LIX1: variants seen among roughly 807,000 people sequenced by gnomAD.
LIX1 encodes limb and CNS expressed 1.
In LIX1, 24 loss-of-function variants were observed where a neutral mutation model predicts 33.4. The observed-to-expected ratio is 0.72, with a 90% CI of 0.52 to 1.01. LIX1 has a LOEUF of 1.01. Among genes scored for constraint, LIX1 ranks in the 50% least tolerant of loss-of-function variants. LIX1 has a pLI of 0.00. For missense variants in LIX1, 311 were observed against 339.2 expected, an observed-to-expected ratio of 0.92 and a Z score of 0.65; for synonymous variants, 124 against 124.0, an observed-to-expected ratio of 1.00 and a Z score of 0.00.
chr5:97,103,239 C>T (rs1269595084), intron 4 of LIX1: 1 of 337,334 alleles, frequency 3.0e-6, no homozygotes, highest in Admixed American at 4.3e-5. Context: ...AATAGGGGCT[C>T]TGAACCATTT....
intron 5 of LIX1, among the ~76,000 whole-genome samples, chr5:97,095,384 C>T (rs1304687102): frequency 6.6e-6 from 1 of 152,152 alleles, no homozygotes; most frequent in African/African-American, 2.4e-5. Flanking sequence ...TCATTGAACC[C>T]TGTTGCCCAG....
Position 97,120,413 on chromosome 5 carries a change from A to T in LIX1, c.246+4053T>A, listed in dbSNP as rs190588126. On this transcript the variant is annotated intron_variant, in intron 2 of 5. Coordinates refer to ENST00000274382, the MANE Select transcript of LIX1 (RefSeq NM_153234.5). ...ACCCCATCCCTGGAACTTACATTTC[A>T]GTAAAGGGAAAGAACATGCACATAG... Among the ~76,000 whole-genome samples the T allele has an allele frequency of 2.9e-4, 44 of 152,340 alleles. 1 individual carries two copies. The highest frequency in any genetic ancestry group is 5.8e-4 in the East Asian group (3 of 5,194).
intron 2 of LIX1, among the ~76,000 whole-genome samples, chr5:97,124,184 A>T (rs1052667230): frequency 6.6e-6 from 1 of 152,194 alleles, no homozygotes; most frequent in Non-Finnish European, 1.5e-5. Context: ...TTAGTTGACA[A>T]ACTAAGAAAC....
At chr5:97,109,325 C>T (rs1268536135) in intron 2 of LIX1, among the ~76,000 whole-genome samples, 1 of 152,178 alleles carries the variant, frequency 6.6e-6, no homozygotes, top group Non-Finnish European at 1.5e-5. Context: ...GCAATCTTAG[C>T]TCACTGCAAC....
chr5:97,116,354 A>G lies in LIX1; in HGVS notation c.246+8112T>C, dbSNP rs146512488. ...AGTCACCCAAGTTAATATCGTGTCTATCCATAGGTCAGGGTGGCTGCAAAT... is the reference window on the plus strand; with the variant it reads ...AGTCACCCAAGTTAATATCGTGTCTGTCCATAGGTCAGGGTGGCTGCAAAT... On this transcript the variant is annotated intron_variant, in intron 2 of 5. Transcript: ENST00000274382. Among the ~76,000 whole-genome samples, 517 of 152,198 alleles carry G rather than the reference A, an allele frequency of 3.4e-3. 12 individuals carry two copies. The highest frequency in any genetic ancestry group is 0.03 in the Admixed American group (456 of 15,282).
intron 1 of LIX1, among the ~76,000 whole-genome samples, chr5:97,134,445 C>T (rs1748129944): frequency 6.6e-6 from 1 of 152,112 alleles, no homozygotes. Flanking sequence ...TGATTATCTA[C>T]CTCTGAACAG....
intron 1 of LIX1, among the ~76,000 whole-genome samples, chr5:97,136,430 G>A (rs971461311): frequency 5.9e-5 from 9 of 152,158 alleles, no homozygotes; most frequent in African/African-American, 1.4e-4. Context: ...CCCTTCATGC[G>A]AGGAAGAAAA....
intron 2 of LIX1, among the ~76,000 whole-genome samples, chr5:97,111,908 G>T (rs1329204609): frequency 6.6e-6 from 1 of 152,156 alleles, no homozygotes. Context: ...CCAATACCAA[G>T]ATTTTAAAGC....
rs1189366969 is a variant in LIX1, at chr5:97,092,179, C to A, written c.*2569G>T. ...ATCTAAAGATCCCCTAGGGCAATCT[C>A]TGGACTTTGGGGGGTCCACATACTC... On this transcript the variant is annotated 3_prime_UTR_variant, in exon 6 of 6. Transcript: ENST00000274382. 3.9e-5 allele frequency: 6 copies of A among 152,314 alleles called. No homozygotes were observed. The highest frequency in any genetic ancestry group is 3.9e-4 in the Admixed American group (6 of 15,284). The allele number at this position is 152,314 out of a possible 1,614,324, so 9.4% of individuals were successfully genotyped here.
intron 1 of LIX1, among the ~76,000 whole-genome samples, chr5:97,127,678 T>G (rs1258824663): frequency 2.6e-5 from 4 of 152,204 alleles, no homozygotes; most frequent in Non-Finnish European, 5.9e-5. Flanking sequence ...AAAGAAAATA[T>G]GAGCAGAGGT....
chr5:97,122,053 C>T (rs1433516497), intron 2 of LIX1, among the ~76,000 whole-genome samples: 3 of 152,128 alleles, frequency 2.0e-5, no homozygotes, highest in Non-Finnish European at 4.4e-5. Context: ...TTGGTGTCCA[C>T]GGTTACATCA....
chr5:97,141,829 T>A (rs988598690), intron 1 of LIX1, among the ~76,000 whole-genome samples: 1 of 152,196 alleles, frequency 6.6e-6, no homozygotes, highest in Admixed American at 6.5e-5. Context: ...TTAATAGTAT[T>A]GCTAGAATTG....
intron 2 of LIX1, among the ~76,000 whole-genome samples, chr5:97,121,453 G>A (rs894260419): frequency 6.6e-6 from 1 of 151,828 alleles, no homozygotes; most frequent in Non-Finnish European, 1.5e-5. Context: ...CTCCTGTACT[G>A]TCTTCCATCT....
chr5:97,115,358 T>C (rs748023905), intron 2 of LIX1, among the ~76,000 whole-genome samples: 1 of 152,240 alleles, frequency 6.6e-6, no homozygotes, highest in African/African-American at 2.4e-5. Flanking sequence ...GTCTTACTGA[T>C]TATAGAACCA....
chr5:97,114,525 C>A (rs1040624154), intron 2 of LIX1, among the ~76,000 whole-genome samples: 6 of 152,094 alleles, frequency 3.9e-5, no homozygotes, highest in Admixed American at 6.6e-5. Flanking sequence ...GAGTTTGGAC[C>A]AATAGTTCAA....
At chr5:97,103,232 A>AGG (rs1389023406) in intron 4 of LIX1, 1 of 344,274 alleles carries the variant, frequency 2.9e-6, no homozygotes, top group Non-Finnish European at 5.6e-6. Context: ...ATCCTACAAT[A>AGG]GGGGCTCTGA....
At chr5:97,107,984 G>C (rs1325825992) in intron 2 of LIX1, among the ~76,000 whole-genome samples, 1 of 152,184 alleles carries the variant, frequency 6.6e-6, no homozygotes, top group Middle Eastern at 3.2e-3. Flanking sequence ...AAGACCTTGA[G>C]TAGGTTCATT....
Position 97,096,841 on chromosome 5 carries a change from T to C in LIX1, c.530A>G (p.Lys177Arg). The C allele has an allele frequency of 6.2e-7, 1 of 1,614,086 alleles. No individual in the cohort carries two copies. The change falls in exon 5 of 6, where the codon AAA becomes AGA. Residue 177 changes from lysine to arginine, a missense_variant. Physicochemically the swap from Lys to Arg is conservative, Grantham distance 26 (BLOSUM62 2). Transcript: ENST00000274382. ...GGAACACTTTGTTTCACGAAGGGCT[T>C]TTAGGCTTCCATTCCAGTGCAATAG... ...FQLLHWNGSLKALRETKCSRQ... is the reference protein window; with the variant it reads ...FQLLHWNGSLRALRETKCSRQ...
At chr5:97,095,135 A>G in intron 5 of LIX1, 100 bp from the exon 6 acceptor site, 5 of 1,083,428 alleles carry the variant, frequency 4.6e-6, no homozygotes, top group Non-Finnish European at 6.6e-6. Flanking sequence ...GGGTTTTATC[A>G]ACAACCCCAT....
Sources: gnomAD v4.1 joint callset for allele counts (sites outside exome capture counted in the v4.1 genomes callset) on GRCh38, gnomAD v4.1.1 for gene constraint, MANE v1.5 for transcripts, NCBI Gene and HGNC (gene_info 2026-07-23, HGNC 2026-07-21) for gene names.